Variants in ADAMTS15 observed in about 807,000 individuals in gnomAD.
The protein encoded by ADAMTS15 is A disintegrin and metalloproteinase with thrombospondin motifs 15.
In ADAMTS15, 35 loss-of-function variants were observed where a neutral mutation model predicts 79.1. That is an observed-to-expected ratio of 0.44 (90% confidence interval 0.34 to 0.59). The LOEUF is 0.59. Ranked by LOEUF, ADAMTS15 falls within the 20% of genes least tolerant of loss-of-function variation. The probability of loss-of-function intolerance (pLI) is 0.02; values close to 1 mark genes in which losing one functional copy is unlikely to be tolerated. For missense variants in ADAMTS15, 1,324 were observed against 1,318.7 expected (o/e 1.00, Z -0.06); for synonymous variants, 616 against 567.3 (o/e 1.09, Z -1.22).
In ADAMTS15 at chr11:130,449,144, C is replaced by G. The variant is rs1937895963; in HGVS notation, c.171C>G (p.Ile57Met). 1 of 1,600,198 alleles carries G rather than the reference C, an allele frequency of 6.2e-7. No individual in the cohort carries two copies. The highest frequency in any genetic ancestry group is 1.7e-5 in the Admixed American group (1 of 58,498). ...DSGDQGLIFQ[I>M]TAFQEDFYLH... ...GGGATCAGGGACTCATTTTTCAGAT[C>G]ACAGCATTTCAGGAGGACTTTTACC... Residue 57 changes from isoleucine (I) to methionine (M), a missense_variant, in exon 1 of 8, where the codon ATC (isoleucine) becomes ATG (methionine). Coordinates refer to ENST00000299164, the MANE Select transcript of ADAMTS15 (RefSeq NM_139055.4). The surrounding 1 kb of genome is among the most constrained non-coding windows in gnomAD (Gnocchi z 7.8).
At chr11:130,457,757 A>AC (rs2134722277) in intron 1 of ADAMTS15, among the ~76,000 whole-genome samples, 1 of 152,306 alleles carries the variant, frequency 6.6e-6, no homozygotes, top group African/African-American at 2.4e-5. Flanking sequence ...TTTTGATGCC[A>AC]CAAAGGAGGC....
intron 1 of ADAMTS15, among the ~76,000 whole-genome samples, chr11:130,450,770 C>T (rs1355544320): frequency 6.6e-6 from 1 of 152,162 alleles, no homozygotes; most frequent in Admixed American, 6.5e-5. Flanking sequence ...CAGAGCAGAG[C>T]GGGCATGCTT....
At chr11:130,465,604 A>G (rs1276798522) in intron 4 of ADAMTS15, among the ~76,000 whole-genome samples, 4 of 152,086 alleles carry the variant, frequency 2.6e-5, no homozygotes, top group Non-Finnish European at 5.9e-5. Flanking sequence ...GCCCATTCCA[A>G]ACAGGCTTTG....
intron 1 of ADAMTS15, among the ~76,000 whole-genome samples, chr11:130,456,628 G>T (rs1938085852): frequency 6.6e-6 from 1 of 152,210 alleles, no homozygotes; most frequent in African/African-American, 2.4e-5. Context: ...AGTAATACTA[G>T]CGCAGGGTGC....
intron 1 of ADAMTS15, among the ~76,000 whole-genome samples, chr11:130,454,011 T>C (rs958348908): frequency 1.3e-5 from 2 of 152,208 alleles, no homozygotes; most frequent in African/African-American, 2.4e-5. Context: ...GGTCTTGCTA[T>C]GTTGCTGTGT....
rs1937916104 is a variant in ADAMTS15 at position 130,449,549 on chromosome 11, G to A, written c.576G>A (p.Lys192=). Residue 192 remains lysine (K), a synonymous_variant, in exon 1 of 8, where the codon AAG becomes AAA. Coordinates refer to ENST00000299164, the MANE Select transcript of ADAMTS15 (RefSeq NM_139055.4). This position sits in a 1 kb window ranked among gnomAD's most constrained non-coding sequence, Gnocchi z 7.8. ...TCCTACGGGCCCTGGACCCTTACAAGCCGCGGCGGGCGGGCTTCGGGGAGA... is the reference window on the plus strand; with the variant it reads ...TCCTACGGGCCCTGGACCCTTACAAACCGCGGCGGGCGGGCTTCGGGGAGA... The part of the protein sequence containing the change: ...PAILRALDPY[K]PRRAGFGESR... 1 of 1,579,844 alleles carries A rather than the reference G, an allele frequency of 6.3e-7. No homozygotes were observed. Among genetic ancestry groups the A allele is most frequent in the Non-Finnish European group, 8.6e-7 (1 of 1,162,288 alleles).
intron 1 of ADAMTS15, among the ~76,000 whole-genome samples, chr11:130,456,752 T>C (rs1353393941): frequency 6.6e-6 from 1 of 152,142 alleles, no homozygotes; most frequent in African/African-American, 2.4e-5. Context: ...CTGGGGTGCA[T>C]AATCTCAAGT....
intron 5 of ADAMTS15, 131 bp downstream of exon 5, chr11:130,469,570 T>C: frequency 2.0e-5 from 14 of 686,634 alleles, no homozygotes; most frequent in Non-Finnish European, 2.7e-5. Context: ...GGTAGTCTAG[T>C]ATTTCTATCA....
intron 4 of ADAMTS15, among the ~76,000 whole-genome samples, chr11:130,468,921 A>T (rs1938361867): frequency 7.5e-6 from 1 of 134,066 alleles, no homozygotes; most frequent in Non-Finnish European, 1.6e-5. Flanking sequence ...TTGGCAAAAG[A>T]GGGAGACTCC....
At chr11:130,460,263 A>G (rs1938171980) in intron 1 of ADAMTS15, among the ~76,000 whole-genome samples, 1 of 148,362 alleles carries the variant, frequency 6.7e-6, no homozygotes, top group South Asian at 2.2e-4. Context: ...TCACTGATTC[A>G]ACACACATCT....
rs1366517906 is a variant in ADAMTS15 at position 130,471,382 on chromosome 11, A to C, written c.2077A>C (p.Met693Leu). ...GGTGACTGGACTCTTCACCAAGCCCATGTGAGTTCTGGGCCCTGAAGGTCC... is the reference window on the plus strand; with the variant it reads ...GGTGACTGGACTCTTCACCAAGCCCCTGTGAGTTCTGGGCCCTGAAGGTCC... ...KKVTGLFTKPMHGYNFVVAIP... is the reference protein window; with the variant it reads ...KKVTGLFTKPLHGYNFVVAIP... Residue 693 changes from methionine to leucine, a missense_variant and splice_region_variant, in exon 7 of 8, where the codon ATG becomes CTG. Physicochemically the swap from Met to Leu is conservative, Grantham distance 15 (BLOSUM62 2). Transcript: ENST00000299164. The C allele has an allele frequency of 6.2e-7, 1 of 1,607,232 alleles. No homozygotes were observed. Among genetic ancestry groups the C allele is most frequent in the African/African-American group, 1.3e-5 (1 of 74,472 alleles).
At position 130,448,695 on chromosome 11, in the gene ADAMTS15, T is replaced by C. The variant is rs1380725436; in HGVS notation, c.-279T>C. On this transcript the variant is annotated 5_prime_UTR_variant, in exon 1 of 8. Coordinates refer to ENST00000299164, the MANE Select transcript of ADAMTS15 (RefSeq NM_139055.4). ...GAAGCCGCCCGGCACCTTCCGCTAG[T>C]TCTCGGCTGCAAATCTTCGTCCTTG... Among the ~76,000 whole-genome samples, 1 of 152,244 alleles carries C rather than the reference T, an allele frequency of 6.6e-6. No homozygotes were observed. Among genetic ancestry groups the C allele is most frequent in the Non-Finnish European group, 1.5e-5 (1 of 68,040 alleles).
intron 4 of ADAMTS15, among the ~76,000 whole-genome samples, chr11:130,465,805 C>A (rs915751946): frequency 6.6e-6 from 1 of 152,052 alleles, no homozygotes; most frequent in African/African-American, 2.4e-5. Context: ...CACGCTGCCC[C>A]TCCCCTTCTC....
At position 130,449,433 on chromosome 11, in the gene ADAMTS15, G is replaced by C. The variant is rs527544644; in HGVS notation, c.460G>C (p.Ala154Pro). The change falls in exon 1 of 8, where the codon GCA (alanine) becomes CCA (proline). Residue 154 changes from alanine (A) to proline (P), a missense_variant. Coordinates refer to ENST00000299164, the MANE Select transcript of ADAMTS15 (RefSeq NM_139055.4). The surrounding 1 kb of genome is among the most constrained non-coding windows in gnomAD (Gnocchi z 7.8). ...GGCGGCGCAGCGCAACAGCCAGGGC[G>C]CACACCTTCTCCAGCGCCGGGGTGT... is the stretch of plus-strand genomic sequence containing the variant. The part of the protein sequence containing the change: ...APAAQRNSQG[A>P]HLLQRRGVPG... The C allele has an allele frequency of 3.1e-6, 5 of 1,591,252 alleles. No homozygotes were observed. The highest frequency in any genetic ancestry group is 3.4e-6 in the Non-Finnish European group (4 of 1,172,776).
Position 130,449,051 on chromosome 11 carries a change from C to A in ADAMTS15, c.78C>A (p.Val26=). Residue 26 remains valine (V), a synonymous_variant, in exon 1 of 8, where the codon GTC becomes GTA. Coordinates refer to ENST00000299164, the MANE Select transcript of ADAMTS15 (RefSeq NM_139055.4). This position sits in a 1 kb window ranked among gnomAD's most constrained non-coding sequence, Gnocchi z 7.8. ...AGGSEPEREV[V]VPIRLDPDIN... ...GCTCTGAGCCAGAGCGGGAGGTAGT[C>A]GTTCCCATCCGACTGGACCCGGACA... 1.3e-6 allele frequency: 2 copies of A among 1,546,900 alleles called. No individual in the cohort carries two copies. The highest frequency in any genetic ancestry group is 1.7e-6 in the Non-Finnish European group (2 of 1,143,908).
intron 4 of ADAMTS15, among the ~76,000 whole-genome samples, chr11:130,467,007 T>G (rs1938314489): frequency 6.6e-6 from 1 of 152,214 alleles, no homozygotes; most frequent in African/African-American, 2.4e-5. Context: ...GATTCATTTT[T>G]ATTGTCTGTC....
chr11:130,454,699 G>GAGGGAGGGAGGAGGGAAGGAGTGGGAAC (rs1473624369), intron 1 of ADAMTS15, among the ~76,000 whole-genome samples: 1 of 152,196 alleles, frequency 6.6e-6, no homozygotes, highest in African/African-American at 2.4e-5. Context: ...GGAGTGGGAA[G>GAGGGAGGGAGGAGGGAAGGAGTGGGAAC]AGAGAGGGAG....
chr11:130,465,878 T>C (rs376668703), intron 4 of ADAMTS15, among the ~76,000 whole-genome samples: 49,331 of 150,336 alleles, frequency 0.33, 8,776 homozygotes, highest in Middle Eastern at 0.43. Context: ...TCTTTCTTTT[T>C]TTTTTTTTTT....
intron 4 of ADAMTS15, among the ~76,000 whole-genome samples, chr11:130,463,273 C>A (rs1938239442): frequency 6.6e-6 from 1 of 152,240 alleles, no homozygotes; most frequent in Admixed American, 6.5e-5. Flanking sequence ...GAATTGGCTG[C>A]ATTCTGAATC....
Sources: gnomAD v4.1 joint callset for allele counts (sites outside exome capture counted in the v4.1 genomes callset) on GRCh38, gnomAD v4.1.1 for gene constraint, Gnocchi (gnomAD v3.1) non-coding constraint, MANE v1.5 for transcripts, NCBI Gene and HGNC (gene_info 2026-07-23, HGNC 2026-07-21) for gene names.